TP63: variants seen among roughly 807,000 people sequenced by gnomAD.
TP63 encodes tumor protein p63, also known as tumor protein 63.
A neutral mutation model predicts 82.8 loss-of-function variants in TP63; 17 were observed. The observed-to-expected ratio is 0.21, with a 90% CI of 0.14 to 0.31. The LOEUF is 0.31. Ranked by LOEUF, TP63 falls within the 10% of genes least tolerant of loss-of-function variation. The pLI, the probability that TP63 is intolerant of heterozygous loss-of-function variation, is 1.00. For synonymous variants in TP63, 330 were observed against 321.7 expected (o/e 1.03, Z -0.28); for missense variants, 648 against 895.3 (o/e 0.72, Z 3.52).
chr3:189,622,379 A>G, the TP63 span, among the ~76,000 whole-genome samples: 1 of 152,240 alleles, frequency 6.6e-6, no homozygotes. Flanking sequence ...TGTCAGGGAA[A>G]TGGGTTAATT....
At chr3:189,703,989 C>T (rs562348508) in intron 1 of TP63, among the ~76,000 whole-genome samples, 2 of 152,214 alleles carry the variant, frequency 1.3e-5, no homozygotes, top group Admixed American at 6.5e-5. Context: ...TTATCACTTA[C>T]ACTTCAGTGT....
Position 189,737,828 on chromosome 3 carries a change from A to G in TP63, c.151A>G (p.Ser51Gly). 6.2e-7 allele frequency: 1 copy of G among 1,614,032 alleles called. No homozygotes were observed. The highest frequency in any genetic ancestry group is 1.1e-5 in the South Asian group (1 of 91,086). Residue 51 changes from serine (S) to glycine (G), a missense_variant, in exon 2 of 14, where the codon AGT becomes GGT. This residue lies in a region of TP63 where 182 missense variants were observed against 213.6 expected (regional missense o/e 0.85). Coordinates refer to ENST00000264731, the MANE Select transcript of TP63 (RefSeq NM_003722.5). ...GAGCACACAGACAAATGAATTCCTC[A>G]GTCCAGAGGTTTTCCAGCATATCTG... ...SQSTQTNEFL[S>G]PEVFQHIWDF...
At chr3:189,742,057 A>T (rs9290904) in intron 3 of TP63, among the ~76,000 whole-genome samples, 45,453 of 151,646 alleles carry the variant, frequency 0.3, 6,889 homozygotes, top group African/African-American at 0.34. Flanking sequence ...AGCCCGGCCA[A>T]CATGGTGGAT....
intron 3 of TP63, among the ~76,000 whole-genome samples, chr3:189,795,290 T>C (rs1461889734): frequency 6.6e-6 from 1 of 152,058 alleles, no homozygotes; most frequent in Non-Finnish European, 1.5e-5. Context: ...AAACTTATAA[T>C]AGTCACTGTT....
intron 1 of TP63, among the ~76,000 whole-genome samples, chr3:189,735,275 G>A (rs551528755): frequency 9.9e-5 from 15 of 152,080 alleles, no homozygotes; most frequent in South Asian, 6.2e-4. Context: ...TTTTATCCAC[G>A]CTCACAGATT....
In TP63 at chr3:189,767,913, G is replaced by A. The variant is rs906585348; in HGVS notation, c.324+29139G>A. Among the ~76,000 whole-genome samples, 3 of 152,158 alleles carry A rather than the reference G, an allele frequency of 2.0e-5. No homozygotes were observed. The South Asian group carries it at 6.2e-4, about 32-fold the overall frequency. ...TGACACATGTCACTAACCCTCTCTA[G>A]TGTCAGTTTCGTCACTTACAATAAT... On this transcript the variant is annotated intron_variant, in intron 3 of 13. Coordinates refer to ENST00000264731, the MANE Select transcript of TP63 (RefSeq NM_003722.5).
At chr3:189,889,528 C>A in intron 12 of TP63, 44 bp downstream of exon 12, 3 of 1,613,880 alleles carry the variant, frequency 1.9e-6, no homozygotes, top group Non-Finnish European at 2.5e-6. Context: ...CCTAAGCATC[C>A]CGGGATGGTG....
intron 1 of TP63, among the ~76,000 whole-genome samples, chr3:189,713,700 T>C (rs1718761637): frequency 6.6e-6 from 1 of 152,190 alleles, no homozygotes; most frequent in African/African-American, 2.4e-5. Context: ...ACTTTTTAAC[T>C]TATAACATTA....
chr3:189,805,396 A>G (rs936578690), intron 3 of TP63, among the ~76,000 whole-genome samples: 1 of 152,238 alleles, frequency 6.6e-6, no homozygotes, highest in African/African-American at 2.4e-5. Flanking sequence ...ATCATCAAAG[A>G]CAGATAATTA....
chr3:189,748,646 A>C (rs1721568068), intron 3 of TP63, among the ~76,000 whole-genome samples: 1 of 151,958 alleles, frequency 6.6e-6, no homozygotes. Flanking sequence ...AGCAATTCCT[A>C]TCAAAGTGCC....
At chr3:189,875,295 C>T (rs922513391) in intron 10 of TP63, among the ~76,000 whole-genome samples, 6 of 151,752 alleles carry the variant, frequency 4.0e-5, no homozygotes, top group Admixed American at 2.0e-4. Context: ...AGGCCGGGCA[C>T]GGTGGCTCAC....
At chr3:189,605,118 G>C in the TP63 span, among the ~76,000 whole-genome samples, 1 of 152,048 alleles carries the variant, frequency 6.6e-6, no homozygotes, top group Non-Finnish European at 1.5e-5. Context: ...TGAGGAGAAG[G>C]AAAAAAGGCC....
At position 189,878,110 on chromosome 3, in the gene TP63, A is replaced by G. The variant is rs1027783785; in HGVS notation, c.1349+5115A>G. ...TTAAACTTGTTTGGCGATGGTTATC[A>G]TCAAGAATATTGATATTTTTTTCTC... On this transcript the variant is annotated intron_variant, in intron 10 of 13. Transcript: ENST00000264731. Among the ~76,000 whole-genome samples the G allele has an allele frequency of 2.6e-5, 4 of 152,174 alleles. No individual in the cohort carries two copies. The East Asian group carries it at 5.8e-4, about 22-fold the overall frequency.
At chr3:189,682,914 T>C (rs1324860072) in intron 1 of TP63, among the ~76,000 whole-genome samples, 3 of 152,122 alleles carry the variant, frequency 2.0e-5, no homozygotes, top group Non-Finnish European at 2.9e-5. Context: ...GCAAGAATGG[T>C]TTATAAATGA....
At chr3:189,659,119 A>T (rs1262301614) in intron 1 of TP63, among the ~76,000 whole-genome samples, 13 of 151,936 alleles carry the variant, frequency 8.6e-5, no homozygotes, top group Admixed American at 8.5e-4. Context: ...GTTGTGTTGT[A>T]TGAATATATT....
intron 3 of TP63, among the ~76,000 whole-genome samples, chr3:189,753,847 C>G (rs1721994920): frequency 6.6e-6 from 1 of 151,906 alleles, no homozygotes; most frequent in Non-Finnish European, 1.5e-5. Context: ...AGTGATGGCT[C>G]TATAAATCTC....
At chr3:189,738,000 A>T (rs938300102) in intron 2 of TP63, 132 bp downstream of exon 2, 4 of 1,063,322 alleles carry the variant, frequency 3.8e-6, no homozygotes, top group Non-Finnish European at 4.1e-6. Context: ...AATGACTCCA[A>T]TGCCATCTCT....
At chr3:189,614,690 G>A in the TP63 span, among the ~76,000 whole-genome samples, 1 of 152,130 alleles carries the variant, frequency 6.6e-6, no homozygotes, top group Non-Finnish European at 1.5e-5. Flanking sequence ...GGCTCATGTG[G>A]AGTACATTTA....
intron 1 of TP63, among the ~76,000 whole-genome samples, chr3:189,663,414 C>T (rs1234645108): frequency 5.9e-5 from 9 of 151,666 alleles, no homozygotes; most frequent in African/African-American, 2.2e-4. Flanking sequence ...AGTGGTTATG[C>T]TATCCTTTGC....
Sources: allele counts gnomAD v4.1 joint callset (sites outside exome capture counted in the v4.1 genomes callset), GRCh38; gene constraint gnomAD v4.1.1; regional missense constraint gnomAD v4.1.1; transcripts MANE v1.5; gene names NCBI Gene and HGNC (gene_info 2026-07-23, HGNC 2026-07-21).